CRACR2A: variants seen among roughly 807,000 people sequenced by gnomAD.
The protein encoded by CRACR2A is calcium release activated channel regulator 2A.
CRACR2A carries 79 observed loss-of-function variants against 90.5 expected under a neutral mutation model. The observed-to-expected ratio is 0.87, with a 90% CI of 0.73 to 1.05. The LOEUF (loss-of-function observed/expected upper bound fraction) is 1.05, where lower values mean the gene tolerates loss of function less well. Ranked by LOEUF, CRACR2A falls within the 50% of genes least tolerant of loss-of-function variation. CRACR2A has a pLI of 0.00. For synonymous variants in CRACR2A, 338 were observed against 356.7 expected (o/e 0.95, Z 0.59); for missense variants, 823 against 897.2 (o/e 0.92, Z 1.06).
intron 12 of CRACR2A, among the ~76,000 whole-genome samples, chr12:3,642,618 G>C (rs1471683480): frequency 1.3e-5 from 2 of 152,224 alleles, no homozygotes; most frequent in African/African-American, 4.8e-5. Context: ...TAAAGCCTCA[G>C]ATGTAATGAG....
Position 3,615,363 on chromosome 12 carries a change from A to G in CRACR2A, c.2188T>C (p.Cys730Arg), listed in dbSNP as rs1166988441. The change falls in exon 20 of 20, where the codon TGT becomes CGT. Residue 730 changes from cysteine (C) to arginine (R), a missense_variant. Cys to Arg is a radical substitution (Grantham distance 180). Coordinates refer to ENST00000440314, the MANE Select transcript of CRACR2A (RefSeq NM_001144958.2). ...GTCCTTGTAGGACCCTATCAGCCAC[A>G]GCAGGATTTCTTCTTAGCAGGGTGG... ...VGHPAKKKSC[C>R]G is the part of the protein sequence containing the mutation. 5 of 1,551,640 alleles carry G rather than the reference A, an allele frequency of 3.2e-6. No homozygotes were observed. Among genetic ancestry groups the G allele is most frequent in the Non-Finnish European group, 2.6e-6 (3 of 1,146,928 alleles).
At chr12:3,680,980 C>T (rs930127700) in intron 4 of CRACR2A, among the ~76,000 whole-genome samples, 1 of 152,260 alleles carries the variant, frequency 6.6e-6, no homozygotes, top group African/African-American at 2.4e-5. Context: ...CAAGGAAGTA[C>T]GTGGCAGAGC....
chr12:3,649,265 T>TAAATAAATAAAA (rs1304715673), intron 10 of CRACR2A, among the ~76,000 whole-genome samples: 1 of 151,354 alleles, frequency 6.6e-6, no homozygotes, highest in African/African-American at 2.4e-5. Context: ...AATAAATAAA[T>TAAATAAATAAAA]AAAAAAGAGT....
chr12:3,679,167 C>A, intron 5 of CRACR2A, 69 bp from the exon 6 acceptor site: 4 of 1,413,574 alleles, frequency 2.8e-6, no homozygotes, highest in Non-Finnish European at 3.8e-6. Context: ...GCTTTCTCAC[C>A]TGCCAGGAAT....
At chr12:3,739,216 G>A (rs1277344763) in intron 1 of CRACR2A, among the ~76,000 whole-genome samples, 1 of 152,184 alleles carries the variant, frequency 6.6e-6, no homozygotes, top group Non-Finnish European at 1.5e-5. Flanking sequence ...GTTACAGATT[G>A]GTAGTCAGAC....
rs1384765261 is a variant in CRACR2A, at chr12:3,720,387, GA to G, written c.-117-7071del. Among the ~76,000 whole-genome samples, 277 of 123,978 alleles carry G rather than the reference GA, an allele frequency of 2.2e-3. 2 individuals carry two copies. The highest frequency in any genetic ancestry group is 3.6e-3 in the Admixed American group (42 of 11,810). The allele number at this position is 123,978 out of a possible 152,430, so 81.3% of individuals were successfully genotyped here. A position where few individuals can be genotyped will look rare whatever the true frequency, so the allele number is the denominator to read the frequency against. ...AGAGAGAGAGAAACGAAGGAAGGGG[GA>G]GGGGGGGAGGGACGGAGTGAGAGAG... On this transcript the variant is annotated intron_variant, in intron 2 of 19. Transcript: ENST00000440314.
At chr12:3,671,597 C>T (rs1250197032) in intron 7 of CRACR2A, among the ~76,000 whole-genome samples, 2 of 152,176 alleles carry the variant, frequency 1.3e-5, no homozygotes, top group Non-Finnish European at 2.9e-5. Context: ...CCAGGTGACG[C>T]CAATGTTGCG....
At chr12:3,665,211 G>C (rs1945109436) in intron 7 of CRACR2A, among the ~76,000 whole-genome samples, 3 of 152,224 alleles carry the variant, frequency 2.0e-5, no homozygotes, top group African/African-American at 7.2e-5. Context: ...ACCAGAGTTA[G>C]CAACAGTCAT....
chr12:3,706,044 G>A lies in CRACR2A; in HGVS notation c.-37+7193C>T, dbSNP rs567714414. Among the ~76,000 whole-genome samples, 22 of 152,256 alleles carry A rather than the reference G, an allele frequency of 1.4e-4. No individual in the cohort carries two copies. The East Asian group carries it at 4.2e-3, about 29-fold the overall frequency. On this transcript the variant is annotated intron_variant, in intron 3 of 19. Coordinates refer to ENST00000440314, the MANE Select transcript of CRACR2A (RefSeq NM_001144958.2). ...AGCATCCCTAGCACTGTTTGCACAG[G>A]TGATAGTAGCTGATACCTCTTTAGA...
chr12:3,661,060 T>C (rs1319729838), intron 7 of CRACR2A, among the ~76,000 whole-genome samples: 3 of 152,156 alleles, frequency 2.0e-5, no homozygotes, highest in African/African-American at 7.2e-5. Flanking sequence ...GAGCCCTCCA[T>C]CATTTTAACC....
Position 3,659,564 on chromosome 12 carries a change from C to T in CRACR2A, c.762G>A (p.Lys254=). The T allele has an allele frequency of 1.2e-6, 2 of 1,613,996 alleles. No individual in the cohort carries two copies. Among genetic ancestry groups the T allele is most frequent in the Non-Finnish European group, 1.7e-6 (2 of 1,179,864 alleles). The stretch of plus-strand genomic sequence containing the variant: ...CCAAGCCTGGGGAGCGTACACTTAC[C>T]TTCAGGAGAAACTGCTCCTTCTCAC... ...IKSEKEQFLL[K]DTERFQARSQ... Residue 254 remains lysine (K), a splice_region_variant and synonymous_variant, in exon 8 of 20, where the codon AAG becomes AAA. Transcript: ENST00000440314.
At chr12:3,700,992 G>A (rs535429252) in intron 3 of CRACR2A, among the ~76,000 whole-genome samples, 2 of 152,232 alleles carry the variant, frequency 1.3e-5, no homozygotes, top group South Asian at 4.1e-4. Flanking sequence ...AAAGAATTCA[G>A]TTTGTACAAA....
chr12:3,739,762 C>T lies in CRACR2A; in HGVS notation c.-386-6552G>A, dbSNP rs534301523. Among the ~76,000 whole-genome samples, 115 of 152,108 alleles carry T rather than the reference C, an allele frequency of 7.6e-4. 3 individuals carry two copies. The highest frequency in any genetic ancestry group is 6.9e-3 in the South Asian group (33 of 4,806). ...CAGCCTGGTCAACATGGTGAAACCCCGTTTCTACTAAAAATACAAAAATCA... is the reference window on the plus strand; with the variant it reads ...CAGCCTGGTCAACATGGTGAAACCCTGTTTCTACTAAAAATACAAAAATCA... On this transcript the variant is annotated intron_variant, in intron 1 of 19. Coordinates refer to ENST00000440314, the MANE Select transcript of CRACR2A (RefSeq NM_001144958.2).
At chr12:3,687,046 G>T (rs1945570527) in intron 4 of CRACR2A, among the ~76,000 whole-genome samples, 1 of 152,084 alleles carries the variant, frequency 6.6e-6, no homozygotes, top group South Asian at 2.1e-4. Context: ...GGGTGAGCTG[G>T]CTACTTACTG....
In CRACR2A at chr12:3,628,246, C is replaced by CT. The variant is rs1433843507; in HGVS notation, c.1736-541dup. On this transcript the variant is annotated intron_variant, in intron 15 of 19. Transcript: ENST00000440314. Reference sequence around the variant, plus strand: ...CTTTCTCTCTTTCTTTCTTTCTTTCCTTCTTTCCTAAAATTCTTTCAGAGG... The same window carrying CT: ...CTTTCTCTCTTTCTTTCTTTCTTTCCTTTCTTTCCTAAAATTCTTTCAGAGG... 8.3e-5 allele frequency among the ~76,000 whole-genome samples: 11 copies of CT among 131,774 alleles called. No individual in the cohort carries two copies. In the South Asian group the frequency reaches 1.3e-3, roughly 15 times the overall value. 86.4% of individuals were successfully genotyped at this position (131,774 alleles called of 152,430 possible).
At chr12:3,620,404 T>G (rs1944109077) in intron 17 of CRACR2A, among the ~76,000 whole-genome samples, 1 of 152,230 alleles carries the variant, frequency 6.6e-6, no homozygotes, top group South Asian at 2.1e-4. Context: ...TGCCAATACT[T>G]TAGCTGTTTT....
rs74055978 is a variant in CRACR2A, at chr12:3,680,553, C to T, written c.229-204G>A. ...ACAACTACCATTGATTGGGTGCCTA[C>T]GAATGTACTAGGCCATTTGCTAGGT... On this transcript the variant is annotated intron_variant, in intron 4 of 19. Transcript: ENST00000440314. Among the ~76,000 whole-genome samples the T allele has an allele frequency of 6.0e-3, 918 of 152,296 alleles. 12 individuals carry two copies. The highest frequency in any genetic ancestry group is 0.021 in the African/African-American group (862 of 41,554).
rs186127260 is a variant in CRACR2A at position 3,651,784 on chromosome 12, G to A, written c.1046+2428C>T. Among the ~76,000 whole-genome samples, 292 of 152,146 alleles carry A rather than the reference G, an allele frequency of 1.9e-3. 4 individuals are homozygous for A. Among genetic ancestry groups the A allele is most frequent in the African/African-American group, 4.3e-4 (18 of 41,510 alleles). On this transcript the variant is annotated intron_variant, in intron 10 of 19. Coordinates refer to ENST00000440314, the MANE Select transcript of CRACR2A (RefSeq NM_001144958.2). ...GAACTGGGCTCTGTCCTTGTTATCC[G>A]GCACTAGCTAGCTGCATGGCTTTGG... is the stretch of plus-strand genomic sequence containing the variant.
chr12:3,625,390 G>A (rs1944237630), intron 17 of CRACR2A, among the ~76,000 whole-genome samples: 1 of 151,810 alleles, frequency 6.6e-6, no homozygotes. Flanking sequence ...CCCAGGCTCT[G>A]TGCAAAACAG....
Sources: gnomAD v4.1 joint callset for allele counts (sites outside exome capture counted in the v4.1 genomes callset) on GRCh38, gnomAD v4.1.1 for gene constraint, MANE v1.5 for transcripts, NCBI Gene and HGNC (gene_info 2026-07-23, HGNC 2026-07-21) for gene names.